Variants in CELF2 observed in about 807,000 individuals in gnomAD.
CELF2 encodes the protein CUGBP Elav-like family member 2, also known as CUG triplet repeat RNA-binding protein 2.
CELF2 carries 8 observed loss-of-function variants against 62.6 expected under a neutral mutation model. The observed-to-expected ratio is 0.13, with a 90% CI of 0.07 to 0.23. The LOEUF is 0.23. CELF2 is among the 10% of genes least tolerant of loss of function. The pLI, the probability that CELF2 is intolerant of heterozygous loss-of-function variation, is 1.00. For synonymous variants in CELF2, 258 were observed against 250.0 expected (o/e 1.03, Z -0.30); for missense variants, 333 against 671.0 (o/e 0.50, Z 5.56).
the CELF2 span, among the ~76,000 whole-genome samples, chr10:10,482,112 T>C: frequency 2.0e-5 from 3 of 151,980 alleles, no homozygotes; most frequent in African/African-American, 2.4e-5. Flanking sequence ...TGAGAAAGAG[T>C]GGTTTGCATA....
At chr10:10,482,852 C>G in the CELF2 span, among the ~76,000 whole-genome samples, 3 of 152,166 alleles carry the variant, frequency 2.0e-5, no homozygotes, top group Non-Finnish European at 4.4e-5. Context: ...GTGCCAGGTA[C>G]TGGATGACAA....
At chr10:10,466,656 T>A in the CELF2 span, among the ~76,000 whole-genome samples, 9 of 152,270 alleles carry the variant, frequency 5.9e-5, no homozygotes, top group Non-Finnish European at 1.3e-4. Context: ...TAACATTTGA[T>A]ACTTTCTCCC....
At chr10:10,699,657 G>A in the CELF2 span, among the ~76,000 whole-genome samples, 1 of 152,180 alleles carries the variant, frequency 6.6e-6, no homozygotes, top group Non-Finnish European at 1.5e-5. Context: ...ATGCCTGACT[G>A]CAGATGGCTT....
chr10:10,628,758 C>T, the CELF2 span, among the ~76,000 whole-genome samples: 1 of 151,986 alleles, frequency 6.6e-6, no homozygotes, highest in Non-Finnish European at 1.5e-5. Flanking sequence ...TGCAGCACAC[C>T]AACATGGCAC....
At chr10:11,094,812 A>G (rs2049329587) in intron 1 of CELF2, among the ~76,000 whole-genome samples, 1 of 152,166 alleles carries the variant, frequency 6.6e-6, no homozygotes, top group South Asian at 2.1e-4. Flanking sequence ...CACATATGAG[A>G]CTGCTTGGTG....
chr10:10,530,599 T>A, the CELF2 span, among the ~76,000 whole-genome samples: 8 of 152,176 alleles, frequency 5.3e-5, no homozygotes, highest in Non-Finnish European at 1.2e-4. Flanking sequence ...AATATACACA[T>A]ACAATCCAAG....
At chr10:10,676,324 G>A in the CELF2 span, among the ~76,000 whole-genome samples, 2 of 152,162 alleles carry the variant, frequency 1.3e-5, no homozygotes, top group Admixed American at 1.3e-4. Context: ...ACACAGCTGG[G>A]TAGAGTTGAA....
rs1038055636 is a variant in CELF2 at position 11,098,187 on chromosome 10, T to G, written c.75-67299T>G. 1.3e-5 allele frequency: 2 copies of G among 152,374 alleles called. No individual in the cohort carries two copies. Among genetic ancestry groups the G allele is most frequent in the African/African-American group, 4.8e-5 (2 of 41,442 alleles). 9.4% of individuals were successfully genotyped at this position (152,374 alleles called of 1,614,324 possible). On this transcript the variant is annotated intron_variant, in intron 1 of 12. Transcript: ENST00000633077. The surrounding 1 kb of genome is among the most constrained non-coding windows in gnomAD (Gnocchi z 4.0). ...TCGTATGCCCATATTTTGGATTGGATGGACCAAGTGAAGGACAGTCTTAGG... is the reference window on the plus strand; with the variant it reads ...TCGTATGCCCATATTTTGGATTGGAGGGACCAAGTGAAGGACAGTCTTAGG...
chr10:10,892,706 A>G (rs2062235220), intron 1 of CELF2, among the ~76,000 whole-genome samples: 2 of 152,212 alleles, frequency 1.3e-5, no homozygotes, highest in Admixed American at 1.3e-4. Context: ...GTCATTCCCC[A>G]GATCTACTGC....
chr10:10,948,151 C>T (rs2047909505), intron 2 of CELF2: 1 of 152,282 alleles, frequency 6.6e-6, no homozygotes, highest in Admixed American at 6.5e-5. Context: ...ATGGAAACCA[C>T]TTCCATAATA....
At chr10:10,692,358 A>C in the CELF2 span, among the ~76,000 whole-genome samples, 1 of 151,222 alleles carries the variant, frequency 6.6e-6, no homozygotes, top group Non-Finnish European at 1.5e-5. Context: ...GTTCTGTTCC[A>C]TTGATCTATA....
At chr10:10,614,112 T>G in the CELF2 span, among the ~76,000 whole-genome samples, 1 of 151,530 alleles carries the variant, frequency 6.6e-6, no homozygotes, top group African/African-American at 2.4e-5. Context: ...CAAGTAATGT[T>G]TGTGCAAAGG....
intron 9 of CELF2, among the ~76,000 whole-genome samples, chr10:11,303,102 C>T (rs184300060): frequency 1.6e-3 from 251 of 152,284 alleles, no homozygotes; most frequent in African/African-American, 5.5e-3. Context: ...CTTCCCTAGC[C>T]GGCTCTCCTC....
rs2096070584 is a variant in CELF2, at chr10:11,333,737, T to TAAG, written c.*4686_*4688dup. ...AGTTAATGCAACCTAGTGGAAACTG[T>TAAG]AAGACCATTTGAGTATTGTTTGTTT... On this transcript the variant is annotated 3_prime_UTR_variant, in exon 13 of 13. Coordinates refer to ENST00000633077, the MANE Select transcript of CELF2 (RefSeq NM_001326342.2). 6.5e-6 allele frequency: 1 copy of TAAG among 152,744 alleles called. No homozygotes were observed. Among genetic ancestry groups the TAAG allele is most frequent in the South Asian group, 2.1e-4 (1 of 4,830 alleles). 9.5% of individuals were successfully genotyped at this position (152,744 alleles called of 1,614,324 possible).
chr10:11,226,458 A>T (rs1251529963), intron 3 of CELF2, among the ~76,000 whole-genome samples: 2 of 152,164 alleles, frequency 1.3e-5, no homozygotes, highest in African/African-American at 4.8e-5. Flanking sequence ...GGTAAATCTA[A>T]ATCCTCAGTC....
intron 1 of CELF2, chr10:11,018,847 C>G (rs1396267754): frequency 6.6e-6 from 1 of 152,176 alleles, no homozygotes; most frequent in African/African-American, 2.4e-5. Flanking sequence ...TTAATATTTG[C>G]AAAGATCCTT....
intron 9 of CELF2, among the ~76,000 whole-genome samples, chr10:11,299,960 G>A (rs988794114): frequency 6.6e-6 from 1 of 152,144 alleles, no homozygotes; most frequent in African/African-American, 2.4e-5. Context: ...CCTCTCATTT[G>A]CCCCGCTCGT....
At chr10:11,065,067 T>C (rs1239231271) in intron 1 of CELF2, among the ~76,000 whole-genome samples, 1 of 152,194 alleles carries the variant, frequency 6.6e-6, no homozygotes, top group Non-Finnish European at 1.5e-5. Flanking sequence ...ATCAAAGCAA[T>C]CAAGCAGTTC....
chr10:10,908,376 C>A (rs139709325), intron 1 of CELF2, among the ~76,000 whole-genome samples: 1,588 of 151,836 alleles, frequency 0.01, 23 homozygotes, highest in African/African-American at 0.037. Context: ...CCTGCCACCA[C>A]GCCCGGCTAA....
Sources: gnomAD v4.1 joint callset for allele counts (sites outside exome capture counted in the v4.1 genomes callset) on GRCh38, gnomAD v4.1.1 for gene constraint, Gnocchi (gnomAD v3.1) non-coding constraint, MANE v1.5 for transcripts, NCBI Gene and HGNC (gene_info 2026-07-23, HGNC 2026-07-21) for gene names.